The following NRIP3 variants were observed in gnomAD, a reference collection of about 807,000 sequenced individuals.
NRIP3 encodes nuclear receptor interacting protein 3.
A neutral mutation model predicts 29.0 loss-of-function variants in NRIP3; 31 were observed. The ratio of observed to expected loss-of-function variants is 1.07; its 90% CI spans 0.80 to 1.44. The LOEUF is 1.44. Among genes scored for constraint, NRIP3 ranks in the 40% most tolerant of loss-of-function variants. The pLI, the probability that NRIP3 is intolerant of heterozygous loss-of-function variation, is 0.00. For synonymous variants in NRIP3, 131 were observed against 118.3 expected (o/e 1.11, Z -0.70); for missense variants, 314 against 297.9 (o/e 1.05, Z -0.40).
At chr11:9,002,457 T>TA (rs918129242) in intron 1 of NRIP3, among the ~76,000 whole-genome samples, 4 of 150,378 alleles carry the variant, frequency 2.7e-5, no homozygotes, top group Admixed American at 1.3e-4. Context: ...ACACAACTTG[T>TA]AAAAAAAACA....
intron 1 of NRIP3, among the ~76,000 whole-genome samples, chr11:8,997,307 G>A (rs910068146): frequency 4.9e-5 from 7 of 144,314 alleles, no homozygotes; most frequent in African/African-American, 1.8e-4. Context: ...CCCGGGAGGC[G>A]GATCGCACCA....
Position 8,983,304 on chromosome 11 carries a change from A to G in NRIP3, c.*241T>C. 1 of 571,492 alleles carries G rather than the reference A, an allele frequency of 1.7e-6. No individual in the cohort carries two copies. 35.4% of individuals were successfully genotyped at this position (571,492 alleles called of 1,614,324 possible). ...GCCACAAGTGAGACTGGCAGTGTCA[A>G]AAAAGGTCTATAAGTTAAGTGATCA... is the stretch of plus-strand genomic sequence containing the variant. On this transcript the variant is annotated 3_prime_UTR_variant, in exon 7 of 7. Transcript: ENST00000309166.
chr11:9,004,046 T>C (rs557530772), upstream of NRIP3: 81 of 1,122,294 alleles, frequency 7.2e-5, no homozygotes, highest in African/African-American at 1.3e-4. Context: ...GAGCGTGACG[T>C]CGCGGGGAGC....
At chr11:8,997,178 C>T (rs1407098759) in intron 1 of NRIP3, among the ~76,000 whole-genome samples, 3 of 151,962 alleles carry the variant, frequency 2.0e-5, no homozygotes, top group Non-Finnish European at 2.9e-5. Context: ...AGATCAAGAC[C>T]ATCCTGGCCA....
At chr11:8,997,391 G>C (rs1051406058) in intron 1 of NRIP3, among the ~76,000 whole-genome samples, 1 of 150,620 alleles carries the variant, frequency 6.6e-6, no homozygotes, top group South Asian at 2.1e-4. Flanking sequence ...AAGAAAAAAG[G>C]ATACACAGTA....
chr11:8,999,611 T>C (rs540921302), intron 1 of NRIP3, among the ~76,000 whole-genome samples: 34 of 152,306 alleles, frequency 2.2e-4, no homozygotes, highest in African/African-American at 7.9e-4. Context: ...GCCTGCACAA[T>C]GGCCTCCTAC....
rs567961851 is a variant in NRIP3, at chr11:8,982,275, T to C, written c.*1270A>G. On this transcript the variant is annotated 3_prime_UTR_variant, in exon 7 of 7. Coordinates refer to ENST00000309166, the MANE Select transcript of NRIP3 (RefSeq NM_020645.3). ...AATACTGGGCAGTTATAAAAAGTTG[T>C]CCTTAACATTGCCGGCTCCTGCTCT... The C allele has an allele frequency of 6.6e-6, 1 of 152,356 alleles. No individual in the cohort carries two copies. Among genetic ancestry groups the C allele is most frequent in the Admixed American group, 6.5e-5 (1 of 15,308 alleles). 9.4% of individuals were successfully genotyped at this position (152,356 alleles called of 1,614,324 possible).
intron 1 of NRIP3, among the ~76,000 whole-genome samples, chr11:8,991,199 G>T (rs1854594713): frequency 6.6e-6 from 1 of 152,040 alleles, no homozygotes; most frequent in African/African-American, 2.4e-5. Flanking sequence ...TACTTGGGAG[G>T]CTGAGGCAGG....
chr11:8,985,727 G>T lies in NRIP3; in HGVS notation c.546C>A (p.Cys182Ter). The change falls in exon 4 of 7, where the codon TGC (cysteine) becomes TGA (stop). Residue 182 changes from cysteine (C) to a stop codon, truncating the protein, a stop_gained. Coordinates refer to ENST00000309166, the MANE Select transcript of NRIP3 (RefSeq NM_020645.3). LOFTEE classifies it high-confidence loss of function. ...TCTGCTTACCAACCACAGCTGCTGG[G>T]CAGTCCAGGCGGAGGGAGCCCAGTG... is the stretch of plus-strand genomic sequence containing the variant. ...VITLGSLRLD[C>*]PAAVVDDNEK... 1.2e-6 allele frequency: 2 copies of T among 1,613,982 alleles called. No individual in the cohort carries two copies. Among genetic ancestry groups the T allele is most frequent in the South Asian group, 2.2e-5 (2 of 91,060 alleles).
intron 4 of NRIP3, among the ~76,000 whole-genome samples, chr11:8,985,430 A>C (rs1254135729): frequency 2.0e-5 from 3 of 151,644 alleles, no homozygotes; most frequent in Non-Finnish European, 2.9e-5. Context: ...CGGCCTCCCA[A>C]AGTGCTGGGA....
At chr11:8,986,075 C>T (rs187997110) in intron 3 of NRIP3, among the ~76,000 whole-genome samples, 292 of 152,314 alleles carry the variant, frequency 1.9e-3, no homozygotes, top group African/African-American at 6.9e-3. Context: ...AAAAACCTTA[C>T]ATCACTTATG....
At chr11:8,985,985 T>G in intron 3 of NRIP3, 135 bp from the exon 4 acceptor site, 3 of 998,176 alleles carry the variant, frequency 3.0e-6, no homozygotes, top group Non-Finnish European at 4.5e-6. Context: ...GTGCTAGCCA[T>G]CCTACATATG....
intron 1 of NRIP3, among the ~76,000 whole-genome samples, chr11:9,001,536 GA>G (rs1239949410): frequency 6.6e-6 from 1 of 152,064 alleles, no homozygotes; most frequent in African/African-American, 2.4e-5. Context: ...CTTCTATCGA[GA>G]TTATACTATA....
At position 8,983,397 on chromosome 11, in the gene NRIP3, T is replaced by G. The variant is rs1854453954; in HGVS notation, c.*148A>C. On this transcript the variant is annotated 3_prime_UTR_variant, in exon 7 of 7. Coordinates refer to ENST00000309166, the MANE Select transcript of NRIP3 (RefSeq NM_020645.3). Reference sequence around the variant, plus strand: ...GCATAGACTATAGTCTAGAGAGGTCTGAATGGGAAGGAGCCCCTGGAGCTT... The same window carrying G: ...GCATAGACTATAGTCTAGAGAGGTCGGAATGGGAAGGAGCCCCTGGAGCTT... The G allele has an allele frequency of 1.5e-6, 1 of 671,022 alleles. No individual in the cohort carries two copies. Among genetic ancestry groups the G allele is most frequent in the Non-Finnish European group, 2.6e-6 (1 of 383,474 alleles). The allele number at this position is 671,022 out of a possible 1,614,324, so 41.6% of individuals were successfully genotyped here. A position where few individuals can be genotyped will look rare whatever the true frequency, so the allele number is the denominator to read the frequency against.
At chr11:9,000,173 C>T (rs1156682498) in intron 1 of NRIP3, among the ~76,000 whole-genome samples, 2 of 152,196 alleles carry the variant, frequency 1.3e-5, no homozygotes, top group East Asian at 3.8e-4. Flanking sequence ...ACTTTTCTGT[C>T]TTCCTATTTG....
At chr11:8,984,180 T>C (rs192594757) in intron 4 of NRIP3, 56 bp from the exon 5 acceptor site, 282 of 1,238,978 alleles carry the variant, frequency 2.3e-4, no homozygotes, top group Non-Finnish European at 2.9e-4. Flanking sequence ...TGCTTAGAAG[T>C]TGGCCTAATC....
intron 1 of NRIP3, among the ~76,000 whole-genome samples, chr11:8,999,639 C>A (rs1040087246): frequency 1.3e-5 from 2 of 152,170 alleles, no homozygotes; most frequent in Non-Finnish European, 2.9e-5. Flanking sequence ...CTGATGTTAT[C>A]TTCTATCACC....
intron 4 of NRIP3, among the ~76,000 whole-genome samples, chr11:8,985,043 G>A (rs1854489722): frequency 6.6e-6 from 1 of 151,992 alleles, no homozygotes; most frequent in Non-Finnish European, 1.5e-5. Flanking sequence ...TACAGACGGG[G>A]TTTCTCCATG....
At chr11:8,992,757 T>A (rs1210795841) in intron 1 of NRIP3, among the ~76,000 whole-genome samples, 1 of 151,820 alleles carries the variant, frequency 6.6e-6, no homozygotes, top group Non-Finnish European at 1.5e-5. Context: ...CTACTAAAAA[T>A]ACAAAAATTA....
Sources: gnomAD v4.1 joint callset for allele counts (sites outside exome capture counted in the v4.1 genomes callset) on GRCh38, gnomAD v4.1.1 for gene constraint, MANE v1.5 for transcripts, NCBI Gene and HGNC (gene_info 2026-07-23, HGNC 2026-07-21) for gene names.